Variants in SLC4A1 observed in about 807,000 individuals in gnomAD.
SLC4A1 encodes the protein band 3 anion transport protein.
Under a neutral mutation model 93.1 loss-of-function variants are expected in SLC4A1, and 29 were observed. The observed-to-expected ratio is 0.31, with a 90% CI of 0.23 to 0.42. The LOEUF (loss-of-function observed/expected upper bound fraction) is 0.42, where lower values mean the gene tolerates loss of function less well. Ranked by LOEUF, SLC4A1 falls within the 20% of genes least tolerant of loss-of-function variation. The pLI, the probability that SLC4A1 is intolerant of heterozygous loss-of-function variation, is 1.00. For missense variants in SLC4A1, 965 were observed against 1,190.1 expected (o/e 0.81, Z 2.78); for synonymous variants, 469 against 497.2 (o/e 0.94, Z 0.76).
In SLC4A1 at chr17:44,261,586, C is replaced by A. The variant is rs762611304; in HGVS notation, c.157G>T (p.Gly53Cys). 2 of 1,614,148 alleles carry A rather than the reference C, an allele frequency of 1.2e-6. No individual in the cohort carries two copies. Among genetic ancestry groups the A allele is most frequent in the South Asian group, 2.2e-5 (2 of 91,088 alleles). ...ATDYHTTSHP[G>C]THKVYVELQE... ...GCTGGGGTCCTCACCTTGTGGGTAC[C>A]CGGGTGTGATGTGGTGTGGTAGTCT... The change falls in exon 4 of 20, where the codon GGT becomes TGT. Residue 53 changes from glycine to cysteine, a missense_variant. By Grantham distance (159) the Gly-to-Cys change is radical. Coordinates refer to ENST00000262418, the MANE Select transcript of SLC4A1 (RefSeq NM_000342.4).
intron 12 of SLC4A1, 45 bp downstream of exon 12, chr17:44,257,614 G>A: frequency 6.2e-7 from 1 of 1,613,288 alleles, no homozygotes; most frequent in Admixed American, 1.7e-5. Flanking sequence ...TCAGGCAGGT[G>A]GTGCGGGGGA....
intron 19 of SLC4A1, among the ~76,000 whole-genome samples, 186 bp downstream of exon 19, chr17:44,250,973 A>G (rs1238014440): frequency 6.6e-6 from 1 of 152,222 alleles, no homozygotes; most frequent in Non-Finnish European, 1.5e-5. Flanking sequence ...ACAGGTGAGC[A>G]AAATGAAGAC....
Position 44,249,193 on chromosome 17 carries a change from T to TACCACTACC in SLC4A1, c.*1264_*1265insGGTAGTGGT. ...TCTCTTTTCTACCACTTCCTGATTC[T>TACCACTACC]GTTTCCTCCATCTCTCACCACTTTC... On this transcript the variant is annotated 3_prime_UTR_variant, in exon 20 of 20. Coordinates refer to ENST00000262418, the MANE Select transcript of SLC4A1 (RefSeq NM_000342.4). The TACCACTACC allele has an allele frequency of 2.2e-6, 1 of 455,224 alleles. No homozygotes were observed. The highest frequency in any genetic ancestry group is 4.4e-6 in the Non-Finnish European group (1 of 226,560). 28.2% of individuals were successfully genotyped at this position (455,224 alleles called of 1,614,324 possible).
chr17:44,255,149 G>A, intron 15 of SLC4A1, 58 bp downstream of exon 15: 1 of 1,182,618 alleles, frequency 8.5e-7, no homozygotes, highest in Non-Finnish European at 1.2e-6. Flanking sequence ...GGCATGCTGG[G>A]GGGTGGAAAT....
In SLC4A1 at chr17:44,253,115, C is replaced by A; in HGVS notation, c.2311+3G>T. 6.2e-7 allele frequency: 1 copy of A among 1,610,356 alleles called. No homozygotes were observed. Among genetic ancestry groups the A allele is most frequent in the South Asian group, 1.1e-5 (1 of 91,072 alleles). The stretch of plus-strand genomic sequence containing the variant: ...GTGAAGACGCGACCCAGCTTTCACT[C>A]ACCCACAAGCACAGCGACCAGGAGT... On this transcript the variant is annotated splice_donor_region_variant and intron_variant, in intron 17 of 19. Transcript: ENST00000262418.
intron 19 of SLC4A1, among the ~76,000 whole-genome samples, chr17:44,250,741 C>T (rs2047331133): frequency 6.6e-6 from 1 of 152,144 alleles, no homozygotes; most frequent in African/African-American, 2.4e-5. Flanking sequence ...GGATGTGGAC[C>T]CTGGCAGGGG....
At chr17:44,252,830 A>G (rs1407673347) in intron 17 of SLC4A1, among the ~76,000 whole-genome samples, 1 of 152,188 alleles carries the variant, frequency 6.6e-6, no homozygotes, top group East Asian at 1.9e-4. Context: ...GCAGGGCTAG[A>G]ACCCACAGTT....
At chr17:44,256,478 T>C (rs2047390013) in intron 13 of SLC4A1, among the ~76,000 whole-genome samples, 4 of 152,150 alleles carry the variant, frequency 2.6e-5, no homozygotes, top group Admixed American at 1.3e-4. Context: ...GGACAACACA[T>C]AGGGCTCACC....
In SLC4A1 at chr17:44,263,763, T is replaced by TCCTC. The variant is rs2047472339; in HGVS notation, c.-68-833_-68-830dup. Among the ~76,000 whole-genome samples the TCCTC allele has an allele frequency of 2.1e-5, 3 of 146,216 alleles. No homozygotes were observed. In the South Asian group the frequency reaches 7.0e-4, roughly 34 times the overall value. Reference sequence around the variant, plus strand: ...CTCCATCCCTGCTTCCTTCCTTCCTTCCTCTCTCTCTCTCTTCCTTTTTGA... The same window carrying TCCTC: ...CTCCATCCCTGCTTCCTTCCTTCCTTCCTCCCTCTCTCTCTCTCTTCCTTTTTGA... On this transcript the variant is annotated intron_variant, in intron 1 of 19. Transcript: ENST00000262418.
At position 44,259,256 on chromosome 17, in the gene SLC4A1, A is replaced by G. The variant is rs753703215; in HGVS notation, c.783T>C (p.Pro261=). The G allele has an allele frequency of 5.0e-6, 8 of 1,613,972 alleles. No individual in the cohort carries two copies. Among genetic ancestry groups the G allele is most frequent in the Admixed American group, 1.7e-5 (1 of 60,020 alleles). ...CCAGCAACACAAAGAGGAAGCGTAT[A>G]GGCACCGGCAGCTCCACCGCCTCCA... ...AELEAVELPV[P]IRFLFVLLGP... The change falls in exon 9 of 20, where the codon CCT becomes CCC. Residue 261 remains proline, a synonymous_variant. Transcript: ENST00000262418.
chr17:44,257,249 C>T (rs890138270), intron 13 of SLC4A1, 101 bp downstream of exon 13: 2 of 1,211,578 alleles, frequency 1.7e-6, no homozygotes, highest in Admixed American at 1.7e-5. Context: ...GCCTCGGCCT[C>T]CCAAAGTTCT....
At chr17:44,265,317 C>G (rs558921042) in intron 1 of SLC4A1, among the ~76,000 whole-genome samples, 1 of 151,888 alleles carries the variant, frequency 6.6e-6, no homozygotes, top group Non-Finnish European at 1.5e-5. Context: ...TTGCAGCACT[C>G]GGGGGTGGAG....
At position 44,257,357 on chromosome 17, in the gene SLC4A1, A is replaced by G. The variant is rs868857711; in HGVS notation, c.1619T>C (p.Leu540Pro). The G allele has an allele frequency of 6.2e-7, 1 of 1,613,952 alleles. No individual in the cohort carries two copies. Among genetic ancestry groups the G allele is most frequent in the Admixed American group, 1.7e-5 (1 of 60,012 alleles). The change falls in exon 13 of 20, where the codon CTG becomes CCG. Residue 540 changes from leucine to proline, a missense_variant. Physicochemically the swap from Leu to Pro is moderately conservative, Grantham distance 98. This residue lies in a region of SLC4A1 where 770 missense variants were observed against 1,006.6 expected (regional missense o/e 0.76). Transcript: ENST00000262418. ...ATCCCCATAGGCCCCCACCTTGATCAGCTTGGAGAAAGTCTCATAGATGAA... is the reference window on the plus strand; with the variant it reads ...ATCCCCATAGGCCCCCACCTTGATCGGCTTGGAGAAAGTCTCATAGATGAA... ...LIFIYETFSK[L>P]IKIFQDHPLQ...
intron 1 of SLC4A1, among the ~76,000 whole-genome samples, chr17:44,263,801 C>T (rs2047472778): frequency 6.7e-6 from 1 of 149,406 alleles, no homozygotes; most frequent in African/African-American, 2.5e-5. Context: ...CAGAGTCTCA[C>T]TCTGTCACCC....
chr17:44,252,978 G>C (rs1035456633), intron 17 of SLC4A1, 140 bp downstream of exon 17: 89 of 936,262 alleles, frequency 9.5e-5, no homozygotes, highest in Non-Finnish European at 3.2e-5. Context: ...TGTGAGTAGG[G>C]GATGCTGGGG....
intron 5 of SLC4A1, 32 bp downstream of exon 5, chr17:44,260,603 G>A: frequency 6.2e-7 from 1 of 1,614,152 alleles, no homozygotes; most frequent in Non-Finnish European, 8.5e-7. Context: ...ATCCTCATCT[G>A]CAGGGGGTCC....
intron 15 of SLC4A1, 87 bp downstream of exon 15, chr17:44,255,120 A>G (rs2047376885): frequency 3.2e-6 from 3 of 937,808 alleles, no homozygotes; most frequent in Non-Finnish European, 5.0e-6. Context: ...CAGGTTGGGG[A>G]AAGCTATTCT....
intron 17 of SLC4A1, among the ~76,000 whole-genome samples, chr17:44,251,872 T>C (rs1424112769): frequency 2.0e-5 from 3 of 150,644 alleles, no homozygotes; most frequent in Admixed American, 1.3e-4. Flanking sequence ...TTGCTGGAAC[T>C]ACAGGCACAT....
rs1254217958 is a variant in SLC4A1 at position 44,255,825 on chromosome 17, G to A, written c.1648C>T (p.Gln550Ter). 6.2e-7 allele frequency: 1 copy of A among 1,614,046 alleles called. No homozygotes were observed. The highest frequency in any genetic ancestry group is 8.5e-7 in the Non-Finnish European group (1 of 1,180,038). Residue 550 changes from glutamine to a stop codon, truncating the protein, a stop_gained, in exon 14 of 20, where the codon CAG becomes TAG. Coordinates refer to ENST00000262418, the MANE Select transcript of SLC4A1 (RefSeq NM_000342.4). LOFTEE classifies it high-confidence loss of function. ...AACACGTTGTAGTTATAAGTCTTCTGTAGTGGGTGGTCCTGGAAGATCTGC... is the reference window on the plus strand; with the variant it reads ...AACACGTTGTAGTTATAAGTCTTCTATAGTGGGTGGTCCTGGAAGATCTGC... ...LIKIFQDHPLQKTYNYNVLMV... is the reference protein window; with the variant it reads ...LIKIFQDHPL
Sources: gnomAD v4.1 joint callset for allele counts (sites outside exome capture counted in the v4.1 genomes callset) on GRCh38, gnomAD v4.1.1 for gene constraint, gnomAD v4.1.1 regional missense constraint, MANE v1.5 for transcripts, NCBI Gene and HGNC (gene_info 2026-07-23, HGNC 2026-07-21) for gene names.